Variants in SNTG1 observed in about 807,000 individuals in gnomAD.
SNTG1 encodes the protein syntrophin gamma 1, also known as gamma-1-syntrophin.
SNTG1 carries 39 observed loss-of-function variants against 74.7 expected under a neutral mutation model. The observed-to-expected ratio is 0.52, with a 90% CI of 0.40 to 0.68. SNTG1 has a LOEUF of 0.68. Among genes scored for constraint, SNTG1 ranks in the 30% least tolerant of loss-of-function variants. The pLI is 0.00. For missense variants in SNTG1, 685 were observed against 609.5 expected (o/e 1.12, Z -1.30); for synonymous variants, 254 against 217.1 (o/e 1.17, Z -1.49).
chr8:49,938,547 CTTTTCTTTTGTTTTCT>C (rs1227462232), intron 1 of SNTG1, among the ~76,000 whole-genome samples: 6 of 55,888 alleles, frequency 1.1e-4, no homozygotes, highest in African/African-American at 2.6e-4. Context: ...ACCATGCCTT[CTTTTCTTTTGTTTTCT>C]TTTCTTTTCT....
intron 1 of SNTG1, among the ~76,000 whole-genome samples, chr8:49,943,521 C>T (rs1808885560): frequency 6.6e-6 from 1 of 152,190 alleles, no homozygotes; most frequent in African/African-American, 2.4e-5. Flanking sequence ...ATTTAGGATA[C>T]AAGGTATGAG....
At chr8:50,267,886 C>A (rs2130226759) in intron 2 of SNTG1, among the ~76,000 whole-genome samples, 1 of 152,188 alleles carries the variant, frequency 6.6e-6, no homozygotes, top group African/African-American at 2.4e-5. Context: ...AAATCATGAA[C>A]AAAGCAAGGG....
At chr8:50,245,301 T>C (rs186995784) in intron 2 of SNTG1, among the ~76,000 whole-genome samples, 1 of 152,260 alleles carries the variant, frequency 6.6e-6, no homozygotes, top group East Asian at 1.9e-4. Context: ...CACCAGACTA[T>C]AGATTCTTTG....
intron 13 of SNTG1, among the ~76,000 whole-genome samples, chr8:50,629,194 A>G (rs1037842952): frequency 6.6e-6 from 1 of 152,130 alleles, no homozygotes; most frequent in Non-Finnish European, 1.5e-5. Flanking sequence ...CACTTGTGGT[A>G]TATCTTCTTT....
intron 9 of SNTG1, among the ~76,000 whole-genome samples, chr8:50,509,089 AT>A (rs2094038947): frequency 6.6e-6 from 1 of 152,150 alleles, no homozygotes; most frequent in Admixed American, 6.5e-5. Context: ...CCTTGAATTA[AT>A]TTTTGTATAA....
At chr8:50,707,102 A>G (rs2095445835) in intron 16 of SNTG1, among the ~76,000 whole-genome samples, 1 of 152,130 alleles carries the variant, frequency 6.6e-6, no homozygotes, top group African/African-American at 2.4e-5. Flanking sequence ...CTGTATATAA[A>G]TTGAGACTTC....
chr8:50,344,301 G>A (rs1047345396), intron 2 of SNTG1, among the ~76,000 whole-genome samples: 2 of 152,126 alleles, frequency 1.3e-5, no homozygotes, highest in Non-Finnish European at 2.9e-5. Context: ...TTAAAACAAC[G>A]AGAAGATTTA....
At chr8:50,141,924 G>A (rs544618863) in intron 1 of SNTG1, among the ~76,000 whole-genome samples, 25 of 152,088 alleles carry the variant, frequency 1.6e-4, no homozygotes, top group African/African-American at 5.5e-4. Context: ...TTCATTATTT[G>A]TCATCCTTTA....
At position 50,438,595 on chromosome 8, in the gene SNTG1, T is replaced by C; in HGVS notation, c.215T>C (p.Ile72Thr). 6.2e-7 allele frequency: 1 copy of C among 1,613,024 alleles called. No individual in the cohort carries two copies. Among genetic ancestry groups the C allele is most frequent in the Non-Finnish European group, 8.5e-7 (1 of 1,179,352 alleles). The change falls in exon 5 of 19, where the codon ATA (isoleucine) becomes ACA (threonine). Residue 72 changes from isoleucine to threonine, a missense_variant. Ile to Thr is a moderately conservative substitution (Grantham distance 89). Coordinates refer to ENST00000642720, the MANE Select transcript of SNTG1 (RefSeq NM_018967.5). ...ACAGTAGGAGGATTTGGATTAAGCA[T>C]AAAGGTAGCCTGCCTTTCTAGTCTA... ...RQTVGGFGLS[I>T]KGGAEHNIPV...
At chr8:50,175,592 C>T (rs1195082505) in intron 2 of SNTG1, among the ~76,000 whole-genome samples, 7 of 152,168 alleles carry the variant, frequency 4.6e-5, no homozygotes, top group Admixed American at 3.9e-4. Flanking sequence ...TCAGGGGCTG[C>T]TCTGCATGCT....
chr8:50,555,131 G>A (rs1440555671), intron 12 of SNTG1, among the ~76,000 whole-genome samples: 2 of 152,082 alleles, frequency 1.3e-5, no homozygotes. Flanking sequence ...GGGACAAGCC[G>A]CATTTTACTG....
chr8:50,531,515 C>T (rs77244067), intron 10 of SNTG1, among the ~76,000 whole-genome samples: 5,979 of 152,206 alleles, frequency 0.039, 407 homozygotes, highest in African/African-American at 0.14. Context: ...TCTTCCCTCC[C>T]GATCCAGATG....
chr8:50,270,644 C>T (rs1586910914), intron 2 of SNTG1, among the ~76,000 whole-genome samples: 1 of 152,146 alleles, frequency 6.6e-6, no homozygotes, highest in Admixed American at 6.6e-5. Flanking sequence ...AAACTCACTC[C>T]TATTCAGGTC....
chr8:50,423,038 A>C (rs1373216768), intron 4 of SNTG1, among the ~76,000 whole-genome samples: 1 of 152,224 alleles, frequency 6.6e-6, no homozygotes, highest in Non-Finnish European at 1.5e-5. Flanking sequence ...TTAGCTGTCA[A>C]ACTTTTCTCA....
At chr8:50,033,451 G>C (rs1170216628) in intron 1 of SNTG1, among the ~76,000 whole-genome samples, 1 of 152,120 alleles carries the variant, frequency 6.6e-6, no homozygotes, top group Admixed American at 6.5e-5. Flanking sequence ...AATAATAATT[G>C]ATATATACCT....
Position 50,046,807 on chromosome 8 carries a change from A to G in SNTG1, c.-102-125754A>G, listed in dbSNP as rs146257729. ...TTTCCCAGGTATCTGATTTTTTGAT[A>G]TGTTATGTCTTAGCCTCCTTTACTT... On this transcript the variant is annotated intron_variant, in intron 1 of 18. Transcript: ENST00000642720. 5.1e-3 allele frequency among the ~76,000 whole-genome samples: 783 copies of G among 152,272 alleles called. 5 individuals carry two copies. Among genetic ancestry groups the G allele is most frequent in the African/African-American group, 0.018 (751 of 41,558 alleles).
intron 1 of SNTG1, among the ~76,000 whole-genome samples, chr8:50,083,602 CAG>C (rs1257629535): frequency 3.9e-5 from 6 of 152,102 alleles, no homozygotes; most frequent in Non-Finnish European, 7.4e-5. Flanking sequence ...TTTTCACTAA[CAG>C]AATTCTGTTA....
intron 3 of SNTG1, among the ~76,000 whole-genome samples, chr8:50,395,130 T>G (rs1040360311): frequency 3.3e-5 from 5 of 152,172 alleles, no homozygotes; most frequent in Admixed American, 1.3e-4. Flanking sequence ...TTGTGGAAAG[T>G]AACTCCTTAT....
chr8:50,076,275 G>A (rs1821878021), intron 1 of SNTG1, among the ~76,000 whole-genome samples: 1 of 151,752 alleles, frequency 6.6e-6, no homozygotes, highest in East Asian at 1.9e-4. Context: ...TGTTCTTTAG[G>A]TAACATACTG....
Sources: gnomAD v4.1 joint callset for allele counts (sites outside exome capture counted in the v4.1 genomes callset) on GRCh38, gnomAD v4.1.1 for gene constraint, MANE v1.5 for transcripts, NCBI Gene and HGNC (gene_info 2026-07-23, HGNC 2026-07-21) for gene names.